The following SPATS2L variants were observed in gnomAD, a reference collection of about 807,000 sequenced individuals.
SPATS2L encodes spermatogenesis associated serine rich 2 like, also known as SPATS2-like protein.
SPATS2L carries 30 observed loss-of-function variants against 59.6 expected under a neutral mutation model. The observed-to-expected ratio is 0.50, with a 90% CI of 0.38 to 0.68. The LOEUF is 0.68. SPATS2L is among the 30% of genes least tolerant of loss of function. The pLI is 0.00. For synonymous variants in SPATS2L, 252 were observed against 263.5 expected (o/e 0.96, Z 0.42); for missense variants, 615 against 700.0 (o/e 0.88, Z 1.37).
At position 200,310,540 on chromosome 2, in the gene SPATS2L, C is replaced by T. The variant is rs561941295; in HGVS notation, c.-73+3618C>T. ...TACGCACTTCCACCGTATCAACCTTCCTAAAACTCTTCCCTCAAAACTCTT... is the reference window on the plus strand; with the variant it reads ...TACGCACTTCCACCGTATCAACCTTTCTAAAACTCTTCCCTCAAAACTCTT... On this transcript the variant is annotated intron_variant, in intron 1 of 12. Coordinates refer to ENST00000409140, the MANE Select transcript of SPATS2L (RefSeq NM_001100423.2). 8.5e-5 allele frequency among the ~76,000 whole-genome samples: 13 copies of T among 152,340 alleles called. No homozygotes were observed. The South Asian group carries it at 2.5e-3, about 29-fold the overall frequency.
chr2:200,451,832 C>CTTT (rs143607567), intron 8 of SPATS2L, among the ~76,000 whole-genome samples: 1 of 148,488 alleles, frequency 6.7e-6, no homozygotes. Flanking sequence ...TTTCTTTTTT[C>CTTT]TTTTCTTTTT....
chr2:200,336,195 T>G (rs1302546717), intron 2 of SPATS2L, among the ~76,000 whole-genome samples: 1 of 152,220 alleles, frequency 6.6e-6, no homozygotes, highest in Non-Finnish European at 1.5e-5. Context: ...CAGGGACCAC[T>G]GAATCAAATC....
At chr2:200,452,015 C>T (rs1472418858) in intron 8 of SPATS2L, among the ~76,000 whole-genome samples, 1 of 152,152 alleles carries the variant, frequency 6.6e-6, no homozygotes, top group Non-Finnish European at 1.5e-5. Flanking sequence ...CCAGGCTGGT[C>T]TTGAACTCCT....
At chr2:200,309,093 A>C in intron 1 of SPATS2L, 1 of 717,926 alleles carries the variant, frequency 1.4e-6, no homozygotes, top group Non-Finnish European at 2.6e-6. Flanking sequence ...TTTGCCATGT[A>C]AGTGGTAAGC....
At position 200,478,084 on chromosome 2, in the gene SPATS2L, G is replaced by A; in HGVS notation, c.*53G>A. ...TCAGTTTTGGTTCCCTGCCCGAGGTGCTGACCCAATTCGCTGCCAAAAGAG... is the reference window on the plus strand; with the variant it reads ...TCAGTTTTGGTTCCCTGCCCGAGGTACTGACCCAATTCGCTGCCAAAAGAG... On this transcript the variant is annotated 3_prime_UTR_variant, in exon 13 of 13. Transcript: ENST00000409140. 1.3e-6 allele frequency: 2 copies of A among 1,492,310 alleles called. No homozygotes were observed. Among genetic ancestry groups the A allele is most frequent in the Non-Finnish European group, 1.8e-6 (2 of 1,119,918 alleles). 92.4% of individuals were successfully genotyped at this position (1,492,310 alleles called of 1,614,324 possible). A position where few individuals can be genotyped will look rare whatever the true frequency, so the allele number is the denominator to read the frequency against.
chr2:200,386,300 C>A (rs992921753), intron 2 of SPATS2L, among the ~76,000 whole-genome samples: 2 of 152,098 alleles, frequency 1.3e-5, no homozygotes, highest in African/African-American at 4.8e-5. Flanking sequence ...AAAATAGCCC[C>A]ATTCTACCCT....
chr2:200,389,475 A>G (rs1173334068), intron 3 of SPATS2L, 192 bp downstream of exon 3: 15 of 493,642 alleles, frequency 3.0e-5, no homozygotes, highest in Non-Finnish European at 5.0e-5. Context: ...TAAGCATATG[A>G]CACTCATTTT....
intron 1 of SPATS2L, among the ~76,000 whole-genome samples, chr2:200,316,348 T>G (rs2079378203): frequency 6.6e-6 from 1 of 152,242 alleles, no homozygotes; most frequent in Non-Finnish European, 1.5e-5. Context: ...GTAGGCATTT[T>G]GTATAAGATT....
intron 6 of SPATS2L, among the ~76,000 whole-genome samples, chr2:200,435,624 G>A (rs1048293011): frequency 2.0e-4 from 31 of 152,056 alleles, no homozygotes; most frequent in African/African-American, 7.2e-4. Flanking sequence ...CAGTAATGAT[G>A]AACAAGACAT....
Position 200,468,356 on chromosome 2 carries a change from A to ACACACACACACG in SPATS2L, c.957+968_957+969insGCACACACACAC, listed in dbSNP as rs2086756184. On this transcript the variant is annotated intron_variant, in intron 10 of 12. Coordinates refer to ENST00000409140, the MANE Select transcript of SPATS2L (RefSeq NM_001100423.2). ...TTTTCACCCAGTATACTACACACAC[A>ACACACACACACG]CACACACACACACACACACACACGC... Among the ~76,000 whole-genome samples the ACACACACACACG allele has an allele frequency of 2.0e-5, 3 of 148,836 alleles. No individual in the cohort carries two copies. The South Asian group carries it at 6.4e-4, about 32-fold the overall frequency.
chr2:200,477,814 C>T lies in SPATS2L; in HGVS notation c.1460C>T (p.Ala487Val), dbSNP rs1043442571. 1 of 1,575,280 alleles carries T rather than the reference C, an allele frequency of 6.3e-7. No homozygotes were observed. The highest frequency in any genetic ancestry group is 1.4e-5 in the African/African-American group (1 of 73,886). The change falls in exon 13 of 13, where the codon GCC becomes GTC. Residue 487 changes from alanine to valine, a missense_variant. Around this residue, in one of 3 missense-constraint regions of SPATS2L, gnomAD observed 284 missense variants for 280.1 expected, o/e 1.01. Coordinates refer to ENST00000409140, the MANE Select transcript of SPATS2L (RefSeq NM_001100423.2). ...TTCCGGCCCAAAAACAAAGGCGGTG[C>T]CAAAAATCAAGAGGCTTCCTTGGGG... Reference protein sequence around the residue: ...NGFRPKNKGGAKNQEASLGMK... With the variant: ...NGFRPKNKGGVKNQEASLGMK...
At chr2:200,308,713 T>C (rs2079104146) in intron 1 of SPATS2L, among the ~76,000 whole-genome samples, 1 of 152,162 alleles carries the variant, frequency 6.6e-6, no homozygotes, top group African/African-American at 2.4e-5. Flanking sequence ...ATGCAGAGAA[T>C]AGCTAAAGAC....
rs1471855019 is a variant in SPATS2L at position 200,339,591 on chromosome 2, C to CA, written c.-23+10112dup. 4.6e-5 allele frequency among the ~76,000 whole-genome samples: 7 copies of CA among 152,136 alleles called. No homozygotes were observed. The East Asian group carries it at 1.4e-3, about 29-fold the overall frequency. The stretch of plus-strand genomic sequence containing the variant: ...TAGAATAGATTCAGTACCTAAAACC[C>CA]ACCATTTGCTTTTTATGTATAGTAT... On this transcript the variant is annotated intron_variant, in intron 2 of 12. Coordinates refer to ENST00000409140, the MANE Select transcript of SPATS2L (RefSeq NM_001100423.2).
intron 8 of SPATS2L, among the ~76,000 whole-genome samples, chr2:200,449,191 T>G (rs1478937646): frequency 6.6e-6 from 1 of 152,240 alleles, no homozygotes; most frequent in Non-Finnish European, 1.5e-5. Flanking sequence ...GAGGTTTTCC[T>G]CTGCAATAGA....
chr2:200,446,158 G>A (rs556094867), intron 8 of SPATS2L, among the ~76,000 whole-genome samples: 1 of 152,234 alleles, frequency 6.6e-6, no homozygotes, highest in Non-Finnish European at 1.5e-5. Context: ...AGACAACATG[G>A]AGAGACCCCA....
At chr2:200,468,723 G>A (rs1038857093) in intron 10 of SPATS2L, among the ~76,000 whole-genome samples, 9 of 152,158 alleles carry the variant, frequency 5.9e-5, no homozygotes, top group African/African-American at 1.9e-4. Context: ...AAGACCAGAC[G>A]TAAACTCCCA....
At chr2:200,309,177 TCAGAGTTGTGTTATCAA>T in intron 1 of SPATS2L, 1 of 716,658 alleles carries the variant, frequency 1.4e-6, no homozygotes, top group Non-Finnish European at 2.6e-6. Context: ...CAGTCTGCGA[TCAGAGTTGTGTTATCAA>T]TCACAGTGAA....
At chr2:200,366,494 G>T (rs2081273018) in intron 2 of SPATS2L, among the ~76,000 whole-genome samples, 1 of 152,080 alleles carries the variant, frequency 6.6e-6, no homozygotes, top group South Asian at 2.1e-4. Context: ...AGAATTTCAA[G>T]TGAATATAAT....
chr2:200,465,798 C>T (rs552381765), intron 9 of SPATS2L, among the ~76,000 whole-genome samples: 5 of 152,096 alleles, frequency 3.3e-5, no homozygotes, highest in African/African-American at 7.2e-5. Flanking sequence ...TTTGGGAGGC[C>T]GAGGCAGGCA....
Sources: allele counts gnomAD v4.1 joint callset (sites outside exome capture counted in the v4.1 genomes callset), GRCh38; gene constraint gnomAD v4.1.1; regional missense constraint gnomAD v4.1.1; transcripts MANE v1.5; gene names NCBI Gene and HGNC (gene_info 2026-07-23, HGNC 2026-07-21).